C18orf63: variants seen among roughly 807,000 people sequenced by gnomAD.
C18orf63 encodes the protein chromosome 18 open reading frame 63, also known as uncharacterized protein C18orf63.
C18orf63 carries 50 observed loss-of-function variants against 75.3 expected under a neutral mutation model. The observed-to-expected ratio is 0.66, with a 90% CI of 0.53 to 0.84. The LOEUF is 0.84. Ranked by LOEUF, C18orf63 falls within the 40% of genes least tolerant of loss-of-function variation. The pLI, the probability that C18orf63 is intolerant of heterozygous loss-of-function variation, is 0.00. For missense variants in C18orf63, 732 were observed against 800.2 expected (o/e 0.91, Z 1.03); for synonymous variants, 232 against 267.6 (o/e 0.87, Z 1.30).
At chr18:74,349,069 A>T (rs761585235) in intron 11 of C18orf63, among the ~76,000 whole-genome samples, 7 of 152,202 alleles carry the variant, frequency 4.6e-5, no homozygotes, top group Non-Finnish European at 8.8e-5. Context: ...GAATCTGCCT[A>T]TGAGTTTTCT....
rs551635876 is a variant in C18orf63 at position 74,344,478 on chromosome 18, T to G, written c.978+776T>G. Among the ~76,000 whole-genome samples the G allele has an allele frequency of 2.0e-4, 30 of 152,076 alleles. 2 individuals are homozygous for G. Among genetic ancestry groups the G allele is most frequent in the African/African-American group, 6.8e-4 (28 of 41,420 alleles). ...AACGTCCATGTAACTATCACACAGA[T>G]GAAACATAGAACCTTGCCAGGACTT... On this transcript the variant is annotated intron_variant, in intron 11 of 13. Coordinates refer to ENST00000579455, the MANE Select transcript of C18orf63 (RefSeq NM_001174123.2).
intron 9 of C18orf63, 51 bp downstream of exon 9, chr18:74,342,179 T>C: frequency 6.9e-7 from 1 of 1,440,754 alleles, no homozygotes; most frequent in African/African-American, 1.4e-5. Flanking sequence ...TTTTTGTTTA[T>C]TGTAACTTAA....
chr18:74,356,533 C>T lies in C18orf63; in HGVS notation c.*86C>T, dbSNP rs1451881368. On this transcript the variant is annotated 3_prime_UTR_variant, in exon 14 of 14. Coordinates refer to ENST00000579455, the MANE Select transcript of C18orf63 (RefSeq NM_001174123.2). ...CACTCTTCCAGATGCCTCTCACACTCCTGTGACCATGAAATCAGCTCTACT... is the reference window on the plus strand; with the variant it reads ...CACTCTTCCAGATGCCTCTCACACTTCTGTGACCATGAAATCAGCTCTACT... The T allele has an allele frequency of 6.6e-6, 1 of 152,632 alleles. No homozygotes were observed. Among genetic ancestry groups the T allele is most frequent in the Non-Finnish European group, 1.5e-5 (1 of 68,034 alleles). 9.5% of individuals were successfully genotyped at this position (152,632 alleles called of 1,614,324 possible).
At chr18:74,329,205 A>G (rs1984261092) in intron 6 of C18orf63, among the ~76,000 whole-genome samples, 169 bp downstream of exon 6, 1 of 152,062 alleles carries the variant, frequency 6.6e-6, no homozygotes, top group Admixed American at 6.6e-5. Flanking sequence ...CCTGGGCAAC[A>G]TGGTAAGACC....
chr18:74,343,790 CAACG>C, intron 11 of C18orf63, 88 bp downstream of exon 11: 5 of 740,578 alleles, frequency 6.8e-6, no homozygotes, highest in Non-Finnish European at 1.0e-5. Flanking sequence ...GTGGAACACC[CAACG>C]CAGTGTGCAG....
intron 13 of C18orf63, among the ~76,000 whole-genome samples, chr18:74,355,508 G>T (rs73468670): frequency 1.6e-4 from 25 of 152,088 alleles, no homozygotes; most frequent in African/African-American, 4.1e-4. Flanking sequence ...CATCCAGGAG[G>T]GGGGGCTTAC....
At chr18:74,342,212 A>G in intron 9 of C18orf63, 29 bp from the exon 10 acceptor site, 1 of 1,469,606 alleles carries the variant, frequency 6.8e-7, no homozygotes, top group Middle Eastern at 1.7e-4. Context: ...TTTCTCCAAG[A>G]TATTTAAAAT....
intron 4 of C18orf63, 143 bp downstream of exon 4, chr18:74,322,897 A>G (rs1483093544): frequency 3.2e-6 from 1 of 310,616 alleles, no homozygotes; most frequent in African/African-American, 2.1e-5. Context: ...AATTTTTTCT[A>G]ACAATTATTA....
rs1331725142 is a variant in C18orf63, at chr18:74,354,144, G to T, written c.1877G>T (p.Arg626Met). 10 of 1,536,288 alleles carry T rather than the reference G, an allele frequency of 6.5e-6. No individual in the cohort carries two copies. The Middle Eastern group carries it at 8.3e-4, about 128-fold the overall frequency. Reference sequence around the variant, plus strand: ...AAAGAAGTTGGTACAAGTGACCACAGGTTGATAGTAAGCAAAATAGCCCAC... The same window carrying T: ...AAAGAAGTTGGTACAAGTGACCACATGTTGATAGTAAGCAAAATAGCCCAC... Reference protein sequence around the residue: ...QAKEVGTSDHRLIVSKIAHRS... With the variant: ...QAKEVGTSDHMLIVSKIAHRS... Residue 626 changes from arginine (R) to methionine (M), a missense_variant, in exon 12 of 14, where the codon AGG becomes ATG. Arg to Met is a moderately conservative substitution (Grantham distance 91). Around this residue, in one of 3 missense-constraint regions of C18orf63, gnomAD observed 495 missense variants for 508.7 expected, o/e 0.97. Coordinates refer to ENST00000579455, the MANE Select transcript of C18orf63 (RefSeq NM_001174123.2).
intron 4 of C18orf63, among the ~76,000 whole-genome samples, chr18:74,324,014 C>T (rs1437617759): frequency 6.6e-6 from 1 of 152,178 alleles, no homozygotes; most frequent in African/African-American, 2.4e-5. Context: ...CCAGGATAGG[C>T]TCTGGCCACC....
At chr18:74,323,194 T>C (rs958830572) in intron 4 of C18orf63, among the ~76,000 whole-genome samples, 1 of 152,222 alleles carries the variant, frequency 6.6e-6, no homozygotes, top group African/African-American at 2.4e-5. Flanking sequence ...CCTCTCTGTG[T>C]CTCAGTAAGT....
chr18:74,335,258 TA>T (rs1984372953), intron 7 of C18orf63, among the ~76,000 whole-genome samples: 1 of 152,168 alleles, frequency 6.6e-6, no homozygotes, highest in East Asian at 1.9e-4. Context: ...CTTTTGTTTC[TA>T]AATTCTTTTT....
chr18:74,328,876 A>G (rs1367836098), intron 5 of C18orf63, 119 bp from the exon 6 acceptor site: 1 of 581,810 alleles, frequency 1.7e-6, no homozygotes, highest in Non-Finnish European at 3.1e-6. Context: ...TTTATATAAC[A>G]ACTGCATTTT....
intron 2 of C18orf63, among the ~76,000 whole-genome samples, chr18:74,320,091 T>TA (rs1984093625): frequency 6.6e-6 from 1 of 151,884 alleles, no homozygotes; most frequent in Non-Finnish European, 1.5e-5. Flanking sequence ...TCCAATAGAG[T>TA]AAAAACGGAT....
At chr18:74,326,330 T>A (rs529693591) in intron 4 of C18orf63, among the ~76,000 whole-genome samples, 13 of 152,234 alleles carry the variant, frequency 8.5e-5, no homozygotes, top group Non-Finnish European at 1.8e-4. Flanking sequence ...CATGTCCTTT[T>A]TCACAGAGGC....
intron 8 of C18orf63, among the ~76,000 whole-genome samples, chr18:74,339,032 A>G (rs1470648649): frequency 6.6e-6 from 1 of 152,074 alleles, no homozygotes; most frequent in African/African-American, 2.4e-5. Context: ...ATTTTATTAT[A>G]TATTCACATC....
At chr18:74,342,635 C>T (rs1030082939) in intron 10 of C18orf63, among the ~76,000 whole-genome samples, 2 of 152,020 alleles carry the variant, frequency 1.3e-5, no homozygotes, top group Admixed American at 6.5e-5. Flanking sequence ...CCAAGTGCTC[C>T]CTCCAGTGGC....
chr18:74,343,404 A>G (rs1984520614), intron 10 of C18orf63, 115 bp from the exon 11 acceptor site: 3 of 594,566 alleles, frequency 5.0e-6, no homozygotes, highest in Non-Finnish European at 8.5e-6. Context: ...TAAAAGAGTT[A>G]AGATATATTT....
intron 11 of C18orf63, among the ~76,000 whole-genome samples, chr18:74,345,111 T>C (rs929697327): frequency 2.2e-4 from 33 of 152,132 alleles, no homozygotes; most frequent in African/African-American, 8.0e-4. Context: ...TTACTGTGTG[T>C]TTTTAATTTG....
Sources: allele counts gnomAD v4.1 joint callset (sites outside exome capture counted in the v4.1 genomes callset), GRCh38; gene constraint gnomAD v4.1.1; regional missense constraint gnomAD v4.1.1; transcripts MANE v1.5; gene names NCBI Gene and HGNC (gene_info 2026-07-23, HGNC 2026-07-21).